Variants in VAT1L observed in about 807,000 individuals in gnomAD.
VAT1L encodes the protein putative NADPH-dependent quinone oxidoreductase VAT1L.
In VAT1L, 34 loss-of-function variants were observed where a neutral mutation model predicts 44.1. The ratio of observed to expected loss-of-function variants is 0.77; its 90% CI spans 0.59 to 1.03. VAT1L has a LOEUF of 1.03. Ranked by LOEUF, VAT1L falls within the 50% of genes least tolerant of loss-of-function variation. The probability of loss-of-function intolerance (pLI) is 0.00; values close to 1 mark genes in which losing one functional copy is unlikely to be tolerated. For synonymous variants in VAT1L, 253 were observed against 202.2 expected (o/e 1.25, Z -2.13); for missense variants, 615 against 538.8 (o/e 1.14, Z -1.40).
intron 4 of VAT1L, among the ~76,000 whole-genome samples, chr16:77,868,888 C>G (rs1468238122): frequency 6.6e-6 from 1 of 152,150 alleles, no homozygotes; most frequent in Non-Finnish European, 1.5e-5. Flanking sequence ...TGGCACCCCC[C>G]TGCCCTTCAA....
At chr16:77,851,494 T>A (rs1042726101) in intron 3 of VAT1L, among the ~76,000 whole-genome samples, 1 of 151,824 alleles carries the variant, frequency 6.6e-6, no homozygotes, top group African/African-American at 2.4e-5. Context: ...ACAAAAAAAA[T>A]TGTTTTAAAT....
intron 7 of VAT1L, among the ~76,000 whole-genome samples, chr16:77,922,836 A>G (rs1263192413): frequency 2.0e-5 from 3 of 152,122 alleles, no homozygotes; most frequent in African/African-American, 7.2e-5. Flanking sequence ...TTTCCAACCC[A>G]TGCCACTCTC....
In VAT1L at chr16:77,946,432, C is replaced by T. The variant is rs1224915034; in HGVS notation, c.1078-25418C>T. Among the ~76,000 whole-genome samples, 6 of 151,448 alleles carry T rather than the reference C, an allele frequency of 4.0e-5. No individual in the cohort carries two copies. In the East Asian group the frequency reaches 1.2e-3, roughly 30 times the overall value. ...CCGAGTAGCTGGGACTATAGGCACCCGCCACCACGGCCAGCTAATTTTTGT... is the reference window on the plus strand; with the variant it reads ...CCGAGTAGCTGGGACTATAGGCACCTGCCACCACGGCCAGCTAATTTTTGT... On this transcript the variant is annotated intron_variant, in intron 7 of 8. Transcript: ENST00000302536.
At chr16:77,962,814 CTCA>C (rs2018178454) in intron 7 of VAT1L, among the ~76,000 whole-genome samples, 1 of 149,400 alleles carries the variant, frequency 6.7e-6, no homozygotes, top group African/African-American at 2.5e-5. Flanking sequence ...GGCATGGTGG[CTCA>C]TGCCTGCAGT....
At chr16:77,935,728 G>C (rs1003621946) in intron 7 of VAT1L, among the ~76,000 whole-genome samples, 1 of 152,172 alleles carries the variant, frequency 6.6e-6, no homozygotes, top group Non-Finnish European at 1.5e-5. Context: ...CAGTAGACCA[G>C]CACTGGCTGT....
intron 7 of VAT1L, among the ~76,000 whole-genome samples, chr16:77,962,420 G>A (rs1372259892): frequency 6.6e-6 from 1 of 152,100 alleles, no homozygotes; most frequent in Non-Finnish European, 1.5e-5. Flanking sequence ...GCTGACATAG[G>A]TAGGGATGCA....
intron 7 of VAT1L, among the ~76,000 whole-genome samples, chr16:77,913,086 G>T (rs2017515742): frequency 6.6e-6 from 1 of 152,170 alleles, no homozygotes; most frequent in Non-Finnish European, 1.5e-5. Context: ...TCAGTCTATA[G>T]CAGCTTTTGC....
At chr16:77,912,121 C>A (rs2017505545) in intron 7 of VAT1L, among the ~76,000 whole-genome samples, 1 of 152,114 alleles carries the variant, frequency 6.6e-6, no homozygotes, top group Admixed American at 6.5e-5. Context: ...AGAATGCCTA[C>A]ATTTTACCAT....
At chr16:77,861,837 C>T (rs966939787) in intron 3 of VAT1L, among the ~76,000 whole-genome samples, 6 of 152,196 alleles carry the variant, frequency 3.9e-5, no homozygotes, top group Admixed American at 2.6e-4. Context: ...AACTCAGAGG[C>T]GTATTCTACA....
chr16:77,895,484 G>A (rs2017314229), intron 7 of VAT1L, among the ~76,000 whole-genome samples: 1 of 152,128 alleles, frequency 6.6e-6, no homozygotes, highest in Non-Finnish European at 1.5e-5. Flanking sequence ...TAAGAGAGAG[G>A]CAGGAGGGTT....
intron 7 of VAT1L, among the ~76,000 whole-genome samples, chr16:77,943,558 C>T (rs2017919690): frequency 6.6e-6 from 1 of 151,734 alleles, no homozygotes; most frequent in Non-Finnish European, 1.5e-5. Context: ...CGCCACCACA[C>T]CCGGCTAATT....
At chr16:77,856,383 A>G (rs2016859043) in intron 3 of VAT1L, among the ~76,000 whole-genome samples, 1 of 152,172 alleles carries the variant, frequency 6.6e-6, no homozygotes, top group Non-Finnish European at 1.5e-5. Flanking sequence ...AGGCTCATCT[A>G]GCCTAAATTC....
chr16:77,874,762 G>A (rs1190846664), intron 4 of VAT1L, among the ~76,000 whole-genome samples: 1 of 149,610 alleles, frequency 6.7e-6, no homozygotes, highest in Non-Finnish European at 1.5e-5. Flanking sequence ...TCCAAAAAGA[G>A]GAGAAAGCAA....
At chr16:77,889,894 C>T (rs921665233) in intron 7 of VAT1L, among the ~76,000 whole-genome samples, 1 of 151,972 alleles carries the variant, frequency 6.6e-6, no homozygotes, top group African/African-American at 2.4e-5. Context: ...CGAGACCAGC[C>T]CGGCCAACAG....
At chr16:77,940,490 C>T (rs547147234) in intron 7 of VAT1L, among the ~76,000 whole-genome samples, 35 of 151,764 alleles carry the variant, frequency 2.3e-4, no homozygotes, top group Non-Finnish European at 3.4e-4. Flanking sequence ...ATTACAGGCA[C>T]GTGCTACCAT....
At chr16:77,789,712 G>A (rs188846605) in intron 1 of VAT1L, among the ~76,000 whole-genome samples, 1 of 152,188 alleles carries the variant, frequency 6.6e-6, no homozygotes, top group Admixed American at 6.5e-5. Context: ...ACCCTGATCA[G>A]TCTCCCCGGA....
chr16:77,917,924 T>A (rs911352712), intron 7 of VAT1L, among the ~76,000 whole-genome samples: 7 of 152,218 alleles, frequency 4.6e-5, no homozygotes, highest in Non-Finnish European at 8.8e-5. Context: ...TGAAGTTCTG[T>A]ATATGCAAGA....
At chr16:77,915,919 G>A (rs1237411436) in intron 7 of VAT1L, among the ~76,000 whole-genome samples, 2 of 152,190 alleles carry the variant, frequency 1.3e-5, no homozygotes, top group African/African-American at 4.8e-5. Flanking sequence ...CTACTCCTGT[G>A]GGTAAATGAA....
chr16:77,868,926 C>A (rs2017002767), intron 4 of VAT1L, among the ~76,000 whole-genome samples: 1 of 152,122 alleles, frequency 6.6e-6, no homozygotes, highest in Non-Finnish European at 1.5e-5. Flanking sequence ...CGACTGCAGA[C>A]CCTGGTGGAG....
Sources: gnomAD v4.1 joint callset for allele counts (sites outside exome capture counted in the v4.1 genomes callset) on GRCh38, gnomAD v4.1.1 for gene constraint, MANE v1.5 for transcripts, NCBI Gene and HGNC (gene_info 2026-07-23, HGNC 2026-07-21) for gene names.